The following FMN1 variants were observed in gnomAD, a reference collection of about 807,000 sequenced individuals.
FMN1 encodes the protein formin-1.
A neutral mutation model predicts 132.4 loss-of-function variants in FMN1; 110 were observed. The observed-to-expected ratio is 0.83, with a 90% CI of 0.71 to 0.97. The LOEUF (loss-of-function observed/expected upper bound fraction) is 0.97. Among genes scored for constraint, FMN1 ranks in the 50% least tolerant of loss-of-function variants. The pLI, the probability that FMN1 is intolerant of heterozygous loss-of-function variation, is 0.00. For synonymous variants in FMN1, 722 were observed against 651.7 expected (o/e 1.11, Z -1.64); for missense variants, 1,792 against 1,705.3 (o/e 1.05, Z -0.90).
intron 7 of FMN1, among the ~76,000 whole-genome samples, chr15:32,982,209 T>C (rs778696273): frequency 3.9e-5 from 6 of 152,010 alleles, no homozygotes; most frequent in Admixed American, 1.3e-4. Flanking sequence ...TGCACGCCTA[T>C]TAGGAGGAGG....
At chr15:33,122,069 T>C (rs905289227) in intron 4 of FMN1, among the ~76,000 whole-genome samples, 1 of 151,990 alleles carries the variant, frequency 6.6e-6, no homozygotes, top group Non-Finnish European at 1.5e-5. Context: ...AACAGACAAA[T>C]AAAGAATACT....
chr15:32,774,378 G>T, intron 20 of FMN1, 24 bp from the exon 21 acceptor site: 3 of 1,552,740 alleles, frequency 1.9e-6, no homozygotes, highest in Non-Finnish European at 2.6e-6. Flanking sequence ...AAAAATGAAT[G>T]TATCATTTTC....
intron 17 of FMN1, among the ~76,000 whole-genome samples, chr15:32,851,576 G>A (rs908677299): frequency 7.2e-5 from 11 of 152,098 alleles, no homozygotes; most frequent in African/African-American, 1.7e-4. Context: ...AAAAAGACAC[G>A]TAAGAAAAAA....
intron 7 of FMN1, among the ~76,000 whole-genome samples, chr15:32,973,916 G>A (rs2031994514): frequency 6.6e-6 from 1 of 152,114 alleles, no homozygotes; most frequent in East Asian, 1.9e-4. Flanking sequence ...CCTTTATCCA[G>A]ATACACAGCT....
intron 17 of FMN1, among the ~76,000 whole-genome samples, chr15:32,815,139 T>C (rs927387167): frequency 3.3e-5 from 5 of 152,086 alleles, no homozygotes; most frequent in South Asian, 2.1e-4. Flanking sequence ...AGATGGGGTT[T>C]CCCCGTGTTA....
chr15:32,962,212 T>C (rs527504611), intron 9 of FMN1, among the ~76,000 whole-genome samples: 21 of 152,102 alleles, frequency 1.4e-4, no homozygotes, highest in Non-Finnish European at 3.1e-4. Flanking sequence ...AATGGAAATG[T>C]TTTACATCTA....
intron 4 of FMN1, among the ~76,000 whole-genome samples, chr15:33,092,014 G>A (rs373046994): frequency 6.6e-6 from 1 of 152,050 alleles, no homozygotes; most frequent in Non-Finnish European, 1.5e-5. Context: ...TAGTTATTTT[G>A]TTCCTCAAAG....
intron 10 of FMN1, among the ~76,000 whole-genome samples, chr15:32,917,502 C>T (rs544074508): frequency 1.3e-5 from 2 of 152,330 alleles, no homozygotes; most frequent in Non-Finnish European, 2.9e-5. Flanking sequence ...TACTTAATAA[C>T]TGATAGAATT....
intron 6 of FMN1, among the ~76,000 whole-genome samples, chr15:33,028,363 T>C (rs569582930): frequency 3.3e-5 from 5 of 152,230 alleles, no homozygotes; most frequent in African/African-American, 9.6e-5. Context: ...GCTATCCAAG[T>C]TGATAAGGCC....
intron 9 of FMN1, among the ~76,000 whole-genome samples, chr15:32,940,003 T>G (rs1391152684): frequency 3.3e-5 from 5 of 152,214 alleles, no homozygotes; most frequent in Non-Finnish European, 5.9e-5. Context: ...ACCCACTCCT[T>G]AAGCTTCTGT....
Position 32,798,918 on chromosome 15 carries a change from G to C in FMN1, c.4016C>G (p.Pro1339Arg). The C allele has an allele frequency of 6.2e-7, 1 of 1,613,534 alleles. No homozygotes were observed. Among genetic ancestry groups the C allele is most frequent in the Non-Finnish European group, 8.5e-7 (1 of 1,179,758 alleles). The change falls in exon 19 of 21, where the codon CCA (proline) becomes CGA (arginine). Residue 1339 changes from proline (P) to arginine (R), a missense_variant. By Grantham distance (103) the Pro-to-Arg change is moderately radical. Coordinates refer to ENST00000616417, the MANE Select transcript of FMN1 (RefSeq NM_001277313.2). Reference sequence around the variant, plus strand: ...TGTGATCTCCTTCTCACCAGACTTTGGCTTCATCCCAAAATATCGTACTGT... The same window carrying C: ...TGTGATCTCCTTCTCACCAGACTTTCGCTTCATCCCAAAATATCGTACTGT... ...ETTVRYFGMK[P>R]KSGEKEITPS...
At chr15:32,797,477 T>G (rs958809466) in intron 19 of FMN1, among the ~76,000 whole-genome samples, 7 of 152,232 alleles carry the variant, frequency 4.6e-5, no homozygotes, top group African/African-American at 1.7e-4. Flanking sequence ...AAACTTATTT[T>G]AGCTTACTTT....
At chr15:33,052,660 G>C (rs560814606) in intron 6 of FMN1, among the ~76,000 whole-genome samples, 85 of 152,250 alleles carry the variant, frequency 5.6e-4, no homozygotes, top group Middle Eastern at 3.4e-3. Context: ...AGGCAGATAA[G>C]GGTGGATCCC....
At chr15:32,857,212 C>T (rs763191236) in intron 16 of FMN1, 105 bp from the exon 17 acceptor site, 4 of 824,428 alleles carry the variant, frequency 4.9e-6, no homozygotes, top group Admixed American at 2.0e-5. Flanking sequence ...GTGCACACTC[C>T]TTGTCAACCA....
intron 3 of FMN1, among the ~76,000 whole-genome samples, chr15:33,166,709 C>T (rs1239147741): frequency 6.6e-6 from 1 of 152,142 alleles, no homozygotes; most frequent in East Asian, 1.9e-4. Flanking sequence ...CCATGAGGAT[C>T]AAGGAAGGCC....
In FMN1 at chr15:33,019,277, A is replaced by G. The variant is rs372875803; in HGVS notation, c.2162-11202T>C. ...ACAGAGTGTCCATTGGTGTATTTAC[A>G]AACCCTGAGCGGGACACAGAGTGCT... On this transcript the variant is annotated intron_variant, in intron 6 of 20. Coordinates refer to ENST00000616417, the MANE Select transcript of FMN1 (RefSeq NM_001277313.2). 8.5e-5 allele frequency among the ~76,000 whole-genome samples: 13 copies of G among 152,300 alleles called. No individual in the cohort carries two copies. In the South Asian group the frequency reaches 2.1e-3, roughly 24 times the overall value.
intron 3 of FMN1, among the ~76,000 whole-genome samples, chr15:33,174,750 G>GTTCGCATA (rs1555412311): frequency 1.1e-5 from 1 of 92,662 alleles, no homozygotes; most frequent in East Asian, 2.5e-4. Flanking sequence ...CATGTTGCCA[G>GTTCGCATA]CTCCCATACT....
intron 5 of FMN1, among the ~76,000 whole-genome samples, chr15:33,082,969 G>C (rs904273202): frequency 1.3e-5 from 2 of 151,972 alleles, no homozygotes; most frequent in Non-Finnish European, 2.9e-5. Flanking sequence ...ACAGAGCTTT[G>C]GGTTCAGTCT....
In FMN1 at chr15:33,036,286, C is replaced by T. The variant is rs547412426; in HGVS notation, c.2162-28211G>A. 5.3e-5 allele frequency among the ~76,000 whole-genome samples: 8 copies of T among 149,846 alleles called. No individual in the cohort carries two copies. The South Asian group carries it at 1.3e-3, about 24-fold the overall frequency. On this transcript the variant is annotated intron_variant, in intron 6 of 20. Transcript: ENST00000616417. ...GCCTGGTGTGTAGGAGATACTCAAGCAATACTTCTTAATAAATGTATACAC... is the reference window on the plus strand; with the variant it reads ...GCCTGGTGTGTAGGAGATACTCAAGTAATACTTCTTAATAAATGTATACAC...
Sources: gnomAD v4.1 joint callset for allele counts (sites outside exome capture counted in the v4.1 genomes callset) on GRCh38, gnomAD v4.1.1 for gene constraint, MANE v1.5 for transcripts, NCBI Gene and HGNC (gene_info 2026-07-23, HGNC 2026-07-21) for gene names.